PRKD3: variants seen among roughly 807,000 people sequenced by gnomAD.
PRKD3 encodes the protein protein kinase D3, also known as serine/threonine-protein kinase D3.
Under a neutral mutation model 99.2 loss-of-function variants are expected in PRKD3, and 47 were observed. The observed-to-expected ratio is 0.47, with a 90% CI of 0.38 to 0.60. The LOEUF (loss-of-function observed/expected upper bound fraction) is 0.60. PRKD3 is among the 20% of genes least tolerant of loss of function. The pLI, the probability that PRKD3 is intolerant of heterozygous loss-of-function variation, is 0.00. For synonymous variants in PRKD3, 392 were observed against 355.4 expected, an observed-to-expected ratio of 1.10 and a Z score of -1.16; for missense variants, 1,019 against 1,088.4, an observed-to-expected ratio of 0.94 and a Z score of 0.90.
Position 37,253,071 on chromosome 2 carries a change from T to G in PRKD3, c.*106A>C. ...TGTCACTTATTCGTTATCATATTTC[T>G]TCATATCTTTGCAGCACTGCAGATG... On this transcript the variant is annotated 3_prime_UTR_variant, in exon 19 of 19. Coordinates refer to ENST00000234179, the MANE Select transcript of PRKD3 (RefSeq NM_005813.6). 8.4e-7 allele frequency: 1 copy of G among 1,185,888 alleles called. No individual in the cohort carries two copies. Among genetic ancestry groups the G allele is most frequent in the Non-Finnish European group, 1.2e-6 (1 of 855,070 alleles). The allele number at this position is 1,185,888 out of a possible 1,614,324, so 73.5% of individuals were successfully genotyped here.
chr2:37,274,328 T>C (rs1006516823), intron 11 of PRKD3, 93 bp downstream of exon 11: 48 of 1,411,058 alleles, frequency 3.4e-5, no homozygotes, highest in Admixed American at 2.9e-4. Context: ...AAGCTTAGGA[T>C]GAACATTAAA....
chr2:37,306,339 G>A (rs187054976), intron 2 of PRKD3, among the ~76,000 whole-genome samples: 5 of 152,112 alleles, frequency 3.3e-5, no homozygotes, highest in East Asian at 1.9e-4. Flanking sequence ...TTAGTTCTTC[G>A]GGTTTAATCA....
At chr2:37,304,863 G>C (rs149913900) in intron 2 of PRKD3, among the ~76,000 whole-genome samples, 2 of 149,554 alleles carry the variant, frequency 1.3e-5, no homozygotes, top group African/African-American at 4.9e-5. Flanking sequence ...TTCTTGTTTT[G>C]TTATTAGTTC....
At chr2:37,321,652 G>C (rs1671889240) in intron 1 of PRKD3, among the ~76,000 whole-genome samples, 1 of 152,194 alleles carries the variant, frequency 6.6e-6, no homozygotes, top group African/African-American at 2.4e-5. Context: ...TGCTCTCTCT[G>C]AAATTCAAAG....
In PRKD3 at chr2:37,316,627, T is replaced by A; in HGVS notation, c.-103A>T. On this transcript the variant is annotated 5_prime_UTR_variant, in exon 2 of 19. Transcript: ENST00000234179. ...TAAAGAAAATGACCGCACTTTTGGA[T>A]TTAGTTGAAAACTTCTTTATTTCCT... 6.7e-7 allele frequency: 1 copy of A among 1,495,786 alleles called. No homozygotes were observed. The highest frequency in any genetic ancestry group is 8.9e-7 in the Non-Finnish European group (1 of 1,129,704). The allele number at this position is 1,495,786 out of a possible 1,614,324, so 92.7% of individuals were successfully genotyped here.
At position 37,282,867 on chromosome 2, in the gene PRKD3, T is replaced by A. The variant is rs572365017; in HGVS notation, c.911-248A>T. Among the ~76,000 whole-genome samples the A allele has an allele frequency of 5.3e-5, 8 of 152,302 alleles. No homozygotes were observed. The East Asian group carries it at 9.6e-4, about 18-fold the overall frequency. ...CTGGCAGCTCCATATTTCCTTCTCT[T>A]ATGTCATATTCATCTTTCCACATCT... On this transcript the variant is annotated intron_variant, in intron 6 of 18. Transcript: ENST00000234179.
chr2:37,270,357 A>AG (rs200427377), intron 12 of PRKD3, among the ~76,000 whole-genome samples: 24 of 149,998 alleles, frequency 1.6e-4, no homozygotes, highest in African/African-American at 5.8e-4. Flanking sequence ...TTTGGAAAAA[A>AG]AAAAAAAAAA....
In PRKD3 at chr2:37,250,941, T is replaced by C. The variant is rs1156505268; in HGVS notation, c.*2236A>G. ...ACTCCAGATTCTCTGACAGTGCCTTTACAAAATTTTTAGAAAACTTCTTAG... is the reference window on the plus strand; with the variant it reads ...ACTCCAGATTCTCTGACAGTGCCTTCACAAAATTTTTAGAAAACTTCTTAG... On this transcript the variant is annotated 3_prime_UTR_variant, in exon 19 of 19. Coordinates refer to ENST00000234179, the MANE Select transcript of PRKD3 (RefSeq NM_005813.6). 1.3e-5 allele frequency: 2 copies of C among 152,674 alleles called. No homozygotes were observed. The highest frequency in any genetic ancestry group is 2.9e-5 in the Non-Finnish European group (2 of 68,046). 9.5% of individuals were successfully genotyped at this position (152,674 alleles called of 1,614,324 possible).
At chr2:37,272,359 T>G in intron 12 of PRKD3, 21 bp downstream of exon 12, 1 of 1,599,572 alleles carries the variant, frequency 6.3e-7, no homozygotes. Context: ...AGTTTACACA[T>G]TAGCTATAAC....
chr2:37,259,507 G>A, intron 16 of PRKD3, 76 bp downstream of exon 16: 1 of 1,169,138 alleles, frequency 8.6e-7, no homozygotes, highest in Non-Finnish European at 1.2e-6. Context: ...ACAGTACTTA[G>A]TACACTGCCT....
chr2:37,324,038 A>T (rs1432834962), intron 1 of PRKD3, among the ~76,000 whole-genome samples: 1 of 152,164 alleles, frequency 6.6e-6, no homozygotes, highest in Non-Finnish European at 1.5e-5. Flanking sequence ...GTATATGGTT[A>T]TTTTCACTGC....
chr2:37,288,636 G>GTT (rs1206406954), intron 5 of PRKD3, among the ~76,000 whole-genome samples: 1 of 152,002 alleles, frequency 6.6e-6, no homozygotes, highest in Non-Finnish European at 1.5e-5. Context: ...GAGGTACACT[G>GTT]TATTAGGAAA....
At chr2:37,323,399 C>T (rs919823109) in intron 1 of PRKD3, among the ~76,000 whole-genome samples, 1 of 151,842 alleles carries the variant, frequency 6.6e-6, no homozygotes, top group African/African-American at 2.4e-5. Context: ...CACTCAGGCC[C>T]ACCACAACTG....
At position 37,291,083 on chromosome 2, in the gene PRKD3, A is replaced by G. The variant is rs534418705; in HGVS notation, c.428-84T>C. 2.4e-6 allele frequency: 3 copies of G among 1,249,172 alleles called. No individual in the cohort carries two copies. The South Asian group carries it at 5.6e-5, about 23-fold the overall frequency. 77.4% of individuals were successfully genotyped at this position (1,249,172 alleles called of 1,614,324 possible). A position where few individuals can be genotyped will look rare whatever the true frequency, so the allele number is the denominator to read the frequency against. On this transcript the variant is annotated intron_variant, in intron 3 of 18. Transcript: ENST00000234179. ...ATGCTCACACATTCACTTATGTCAAAGTACACAGAATCATTTTTTCTCTGA... is the reference window on the plus strand; with the variant it reads ...ATGCTCACACATTCACTTATGTCAAGGTACACAGAATCATTTTTTCTCTGA...
chr2:37,253,793 C>T (rs1205814997), intron 18 of PRKD3, among the ~76,000 whole-genome samples: 1 of 152,056 alleles, frequency 6.6e-6, no homozygotes, highest in Non-Finnish European at 1.5e-5. Flanking sequence ...CTAAAGCTTC[C>T]CTCCTTACTC....
At chr2:37,305,394 A>G (rs17020495) in intron 2 of PRKD3, among the ~76,000 whole-genome samples, 1,818 of 152,364 alleles carry the variant, frequency 0.012, 35 homozygotes, top group African/African-American at 0.041. Context: ...AAACAGCATT[A>G]TAACTTAAAA....
chr2:37,287,064 C>G (rs1211042006), intron 5 of PRKD3, among the ~76,000 whole-genome samples: 1 of 151,428 alleles, frequency 6.6e-6, no homozygotes, highest in Non-Finnish European at 1.5e-5. Context: ...AACCCCGTCT[C>G]TACTAAAAAT....
rs35158902 is a variant in PRKD3 at position 37,320,423 on chromosome 2, C to CTTTT, written c.-655-3248_-655-3245dup. Among the ~76,000 whole-genome samples, 24 of 78,164 alleles carry CTTTT rather than the reference C, an allele frequency of 3.1e-4. 1 individual carries two copies. The highest frequency in any genetic ancestry group is 1.0e-3 in the South Asian group (2 of 1,976). 51.3% of individuals were successfully genotyped at this position (78,164 alleles called of 152,430 possible). On this transcript the variant is annotated intron_variant, in intron 1 of 18. Transcript: ENST00000234179. ...AATAAAACTGTATGCAAGTTAACGA[C>CTTTT]TTTTTTTTTTTTTTTTTTTTTTTTT...
At chr2:37,272,293 G>T in intron 12 of PRKD3, 87 bp downstream of exon 12, 1 of 1,547,506 alleles carries the variant, frequency 6.5e-7, no homozygotes, top group South Asian at 1.2e-5. Flanking sequence ...TTTGGGCGAT[G>T]AACCAATTTC....
Sources: allele counts gnomAD v4.1 joint callset (sites outside exome capture counted in the v4.1 genomes callset), GRCh38; gene constraint gnomAD v4.1.1; transcripts MANE v1.5; gene names NCBI Gene and HGNC (gene_info 2026-07-23, HGNC 2026-07-21).